NEBL: variants seen among roughly 807,000 people sequenced by gnomAD.
NEBL encodes the protein nebulette, also known as LIM and SH3 protein 2.
In NEBL, 122 loss-of-function variants were observed where a neutral mutation model predicts 140.2. The ratio of observed to expected loss-of-function variants is 0.87; its 90% CI spans 0.75 to 1.01. The LOEUF (loss-of-function observed/expected upper bound fraction) is 1.01. Ranked by LOEUF, NEBL falls within the 50% of genes least tolerant of loss-of-function variation. The pLI is 0.00. For synonymous variants in NEBL, 436 were observed against 398.9 expected, an observed-to-expected ratio of 1.09 and a Z score of -1.11; for missense variants, 1,365 against 1,231.3, an observed-to-expected ratio of 1.11 and a Z score of -1.62.
intron 26 of NEBL, among the ~76,000 whole-genome samples, chr10:20,806,045 C>T (rs1837589596): frequency 6.6e-6 from 1 of 152,050 alleles, no homozygotes; most frequent in South Asian, 2.1e-4. Flanking sequence ...TTGCCTATAC[C>T]TTCTTCCAAT....
chr10:21,238,353 C>T (rs900257559), intron 3 of NEBL, among the ~76,000 whole-genome samples: 1 of 152,120 alleles, frequency 6.6e-6, no homozygotes, highest in Non-Finnish European at 1.5e-5. Context: ...AGCTCAGAGG[C>T]ATAATCTAGC....
intron 2 of NEBL, among the ~76,000 whole-genome samples, chr10:21,251,658 G>A (rs1842590528): frequency 6.6e-6 from 1 of 152,056 alleles, no homozygotes; most frequent in African/African-American, 2.4e-5. Context: ...TTTGGAAGTA[G>A]GGCTTTTGAG....
intron 4 of NEBL, among the ~76,000 whole-genome samples, chr10:20,912,880 T>TC (rs1491065035): frequency 6.9e-6 from 1 of 143,912 alleles, no homozygotes; most frequent in East Asian, 2.0e-4. Flanking sequence ...GTATGCCAAT[T>TC]CTTTTTTTTT....
intron 2 of NEBL, among the ~76,000 whole-genome samples, chr10:21,047,658 G>A (rs1195307850): frequency 6.6e-6 from 1 of 152,122 alleles, no homozygotes; most frequent in African/African-American, 2.4e-5. Context: ...TGTGCAGGAG[G>A]TTTATGAAAA....
chr10:21,105,648 T>G (rs58660607), intron 2 of NEBL, among the ~76,000 whole-genome samples: 11,675 of 152,186 alleles, frequency 0.077, 1,455 homozygotes, highest in African/African-American at 0.26. Flanking sequence ...AGTAAACATA[T>G]GTGTGCATGT....
At chr10:21,256,897 C>T (rs1842665749) in intron 1 of NEBL, among the ~76,000 whole-genome samples, 1 of 152,176 alleles carries the variant, frequency 6.6e-6, no homozygotes, top group African/African-American at 2.4e-5. Flanking sequence ...CATTTGACTG[C>T]TATCTATGCT....
chr10:20,793,044 T>G (rs1490761523), intron 26 of NEBL, among the ~76,000 whole-genome samples: 1 of 152,168 alleles, frequency 6.6e-6, no homozygotes, highest in East Asian at 1.9e-4. Context: ...TCTGAAAGGA[T>G]TCTTAGCACT....
rs141681076 is a variant in NEBL at position 20,799,648 on chromosome 10, C to A, written c.2761+8862G>T. On this transcript the variant is annotated intron_variant, in intron 26 of 27. Transcript: ENST00000377122. The stretch of plus-strand genomic sequence containing the variant: ...TTCTGAAATTCTCTTGCTGAATGCA[C>A]ATTCTTTACAGAAGTCAGGCTAGCA... Among the ~76,000 whole-genome samples the A allele has an allele frequency of 3.9e-4, 60 of 152,286 alleles. 1 individual carries two copies. Among genetic ancestry groups the A allele is most frequent in the Middle Eastern group, 3.4e-3 (1 of 294 alleles).
rs570620959 is a variant in NEBL at position 21,196,097 on chromosome 10, G to C, written n.349-23620C>G. Reference sequence around the variant, plus strand: ...CAGCTCACTGCAACCTCTGACTCCCGGGTTCAAGTGATTCTCCTGCCTCAG... The same window carrying C: ...CAGCTCACTGCAACCTCTGACTCCCCGGTTCAAGTGATTCTCCTGCCTCAG... On this transcript the variant is annotated intron_variant and non_coding_transcript_variant, in intron 3 of 8. Transcript: ENST00000675702. 2.9e-4 allele frequency among the ~76,000 whole-genome samples: 44 copies of C among 152,054 alleles called. 3 individuals carry two copies. Among genetic ancestry groups the C allele is most frequent in the African/African-American group, 1.0e-3 (43 of 41,472 alleles).
intron 7 of NEBL, among the ~76,000 whole-genome samples, chr10:20,862,804 T>A (rs1843852115): frequency 6.6e-6 from 1 of 152,200 alleles, no homozygotes; most frequent in Non-Finnish European, 1.5e-5. Flanking sequence ...AGTTACTCCA[T>A]ATGACTGGCT....
At chr10:20,801,579 T>G (rs1341076654) in intron 26 of NEBL, among the ~76,000 whole-genome samples, 1 of 152,176 alleles carries the variant, frequency 6.6e-6, no homozygotes, top group Admixed American at 6.5e-5. Flanking sequence ...CTGGTTCACC[T>G]AACAGAATGT....
At chr10:20,852,367 C>T (rs747888790) in intron 10 of NEBL, among the ~76,000 whole-genome samples, 178 bp downstream of exon 10, 4 of 152,150 alleles carry the variant, frequency 2.6e-5, no homozygotes, top group Non-Finnish European at 5.9e-5. Context: ...CCCCTGACCC[C>T]AATACCTACA....
intron 4 of NEBL, among the ~76,000 whole-genome samples, chr10:20,910,892 G>T (rs1716193334): frequency 6.6e-6 from 1 of 151,566 alleles, no homozygotes; most frequent in South Asian, 2.1e-4. Flanking sequence ...CACTGGCCAG[G>T]CATGGTGGTT....
chr10:20,996,903 T>A (rs1837689594), intron 3 of NEBL, among the ~76,000 whole-genome samples: 1 of 152,208 alleles, frequency 6.6e-6, no homozygotes, highest in Non-Finnish European at 1.5e-5. Context: ...AGAATACATT[T>A]GGAAACGTGT....
intron 6 of NEBL, among the ~76,000 whole-genome samples, chr10:20,869,173 T>C (rs2131232935): frequency 1.3e-5 from 2 of 152,336 alleles, no homozygotes; most frequent in East Asian, 1.9e-4. Context: ...TAATGATTGA[T>C]TTTAGGGTGA....
intron 2 of NEBL, among the ~76,000 whole-genome samples, chr10:21,060,962 A>G (rs1198748089): frequency 6.6e-6 from 1 of 151,990 alleles, no homozygotes; most frequent in Non-Finnish European, 1.5e-5. Context: ...ACTGGCTATT[A>G]AGGGTTGAAC....
intron 4 of NEBL, among the ~76,000 whole-genome samples, chr10:20,933,248 A>T (rs1331797642): frequency 6.6e-6 from 1 of 152,168 alleles, no homozygotes; most frequent in Non-Finnish European, 1.5e-5. Context: ...TAAATTTATA[A>T]ATTGTTACCT....
At chr10:21,180,035 G>A (rs1404102160) in intron 3 of NEBL, among the ~76,000 whole-genome samples, 2 of 152,122 alleles carry the variant, frequency 1.3e-5, no homozygotes, top group Non-Finnish European at 2.9e-5. Flanking sequence ...TACTCAGGAA[G>A]CTGAGGAAGG....
intron 19 of NEBL, among the ~76,000 whole-genome samples, chr10:20,820,147 G>A (rs1372478535): frequency 6.6e-6 from 1 of 152,174 alleles, no homozygotes; most frequent in African/African-American, 2.4e-5. Context: ...TTTAGTGATA[G>A]ACTATTACTG....
Sources: allele counts gnomAD v4.1 joint callset (sites outside exome capture counted in the v4.1 genomes callset), GRCh38; gene constraint gnomAD v4.1.1; transcripts MANE v1.5; gene names NCBI Gene and HGNC (gene_info 2026-07-23, HGNC 2026-07-21).